Variants in KLHL18 observed in about 807,000 individuals in gnomAD.
KLHL18 encodes the protein kelch like family member 18.
In KLHL18, 38 loss-of-function variants were observed where a neutral mutation model predicts 58.5. The ratio of observed to expected loss-of-function variants is 0.65; its 90% confidence interval spans 0.50 to 0.85. KLHL18 has a LOEUF of 0.85. Among genes scored for constraint, KLHL18 ranks in the 40% least tolerant of loss-of-function variants. KLHL18 has a pLI of 0.00. For missense variants in KLHL18, 624 were observed against 778.4 expected, an observed-to-expected ratio of 0.80 and a Z score of 2.36; for synonymous variants, 303 against 301.9, an observed-to-expected ratio of 1.00 and a Z score of -0.04.
intron 3 of KLHL18, among the ~76,000 whole-genome samples, chr3:47,322,924 G>A (rs1478362800): frequency 1.3e-5 from 2 of 152,130 alleles, no homozygotes; most frequent in African/African-American, 4.8e-5. Flanking sequence ...AGTCCAGCCT[G>A]CCCTTTCCCT....
At chr3:47,324,512 A>G (rs1347201349) in intron 3 of KLHL18, among the ~76,000 whole-genome samples, 4 of 150,958 alleles carry the variant, frequency 2.6e-5, no homozygotes, top group Non-Finnish European at 4.4e-5. Flanking sequence ...TATGTTGTAA[A>G]GTACTGTTAT....
rs1703946113 is a variant in KLHL18 at position 47,334,761 on chromosome 3, A to G, written c.840A>G (p.Pro280=). Residue 280 remains proline, a synonymous_variant, in exon 6 of 10, where the codon CCA becomes CCG. Transcript: ENST00000232766. The surrounding 1 kb of genome is among the most constrained non-coding windows in gnomAD (Gnocchi z 4.7). ...RPHLPAFRTR[P]RCCTSIAGLI... ...ACCTGCCAGCTTTCAGAACCCGGCC[A>G]CGCTGCTGCACATCCATCGCTGGAC... 6.2e-7 allele frequency: 1 copy of G among 1,614,162 alleles called. No individual in the cohort carries two copies. The highest frequency in any genetic ancestry group is 8.5e-7 in the Non-Finnish European group (1 of 1,180,024).
At chr3:47,341,747 AG>A in intron 8 of KLHL18, among the ~76,000 whole-genome samples, 1 of 152,190 alleles carries the variant, frequency 6.6e-6, no homozygotes, top group Admixed American at 6.5e-5. Context: ...AGGGTGGTTG[AG>A]GACCAAGAGG....
At chr3:47,313,133 T>C (rs904696561) in intron 1 of KLHL18, among the ~76,000 whole-genome samples, 4 of 151,866 alleles carry the variant, frequency 2.6e-5, no homozygotes, top group Non-Finnish European at 5.9e-5. Context: ...ATGGTCTCGA[T>C]CTTCCGACCT....
At chr3:47,284,301 C>G (rs1286301250) in intron 1 of KLHL18, among the ~76,000 whole-genome samples, 1 of 151,122 alleles carries the variant, frequency 6.6e-6, no homozygotes, top group Non-Finnish European at 1.5e-5. Flanking sequence ...AAAAATAAAA[C>G]TATGCAGAGA....
At chr3:47,330,773 C>T (rs1166100477) in intron 4 of KLHL18, among the ~76,000 whole-genome samples, 12 of 152,054 alleles carry the variant, frequency 7.9e-5, no homozygotes, top group Admixed American at 7.9e-4. Flanking sequence ...TTCTGTCACC[C>T]AAGCTGGAGT....
chr3:47,286,285 TA>T (rs1387928466), intron 1 of KLHL18, among the ~76,000 whole-genome samples: 1 of 152,190 alleles, frequency 6.6e-6, no homozygotes, highest in Non-Finnish European at 1.5e-5. Flanking sequence ...TCTGTAGCAA[TA>T]TAATGGTGGG....
chr3:47,295,535 C>A (rs991731523), intron 1 of KLHL18, among the ~76,000 whole-genome samples: 7 of 151,070 alleles, frequency 4.6e-5, no homozygotes, highest in Non-Finnish European at 1.0e-4. Context: ...TTTCCTTTTT[C>A]TTTCTTCCCT....
chr3:47,300,694 C>T (rs1576143534), intron 1 of KLHL18, among the ~76,000 whole-genome samples: 1 of 117,126 alleles, frequency 8.5e-6, no homozygotes, highest in Admixed American at 1.3e-4. Flanking sequence ...GGCTGGGGTG[C>T]AATGGTGCGA....
At chr3:47,336,379 T>C in intron 6 of KLHL18, 156 bp from the exon 7 acceptor site, 2 of 655,118 alleles carry the variant, frequency 3.1e-6, no homozygotes, top group Non-Finnish European at 5.4e-6. Context: ...GAGGTGATCA[T>C]GGCTGAAATT....
At position 47,319,793 on chromosome 3, in the gene KLHL18, C is replaced by T; in HGVS notation, c.260+10C>T. On this transcript the variant is annotated intron_variant, in intron 2 of 9. Transcript: ENST00000232766. ...AAGGAATGGACCCAAGGTACTGAAT[C>T]CCACCATTAGGTTTCGCAGGCTGCT... is the stretch of plus-strand genomic sequence containing the variant. The T allele has an allele frequency of 6.2e-7, 1 of 1,612,590 alleles. No homozygotes were observed. Among genetic ancestry groups the T allele is most frequent in the Non-Finnish European group, 8.5e-7 (1 of 1,178,972 alleles).
At chr3:47,309,674 GCCGAGATCA>G (rs2107609838) in intron 1 of KLHL18, among the ~76,000 whole-genome samples, 1 of 152,344 alleles carries the variant, frequency 6.6e-6, no homozygotes, top group Non-Finnish European at 1.5e-5. Flanking sequence ...GTTGTAGCTA[GCCGAGATCA>G]CGCCACTGCA....
rs1431396712 is a variant in KLHL18 at position 47,334,067 on chromosome 3, T to C, written c.762-616T>C. ...GCTGGTTCAGGAGGAAGTAAGTGCC[T>C]GTCCATGGCAGATGGTGTGAAGGTG... On this transcript the variant is annotated intron_variant, in intron 5 of 9. Transcript: ENST00000232766. This position sits in a 1 kb window ranked among gnomAD's most constrained non-coding sequence, Gnocchi z 4.7. Among the ~76,000 whole-genome samples the C allele has an allele frequency of 6.6e-6, 1 of 152,206 alleles. No homozygotes were observed. The highest frequency in any genetic ancestry group is 1.5e-5 in the Non-Finnish European group (1 of 68,034).
intron 1 of KLHL18, among the ~76,000 whole-genome samples, chr3:47,294,958 C>G (rs1702866743): frequency 6.6e-6 from 1 of 151,566 alleles, no homozygotes; most frequent in Admixed American, 6.6e-5. Context: ...AGGTTAGAAA[C>G]TTGTCAGCGG....
chr3:47,328,318 A>G (rs1402080305), intron 3 of KLHL18, among the ~76,000 whole-genome samples: 2 of 151,712 alleles, frequency 1.3e-5, no homozygotes, highest in Admixed American at 6.6e-5. Context: ...ATGAGCCATA[A>G]TTGCACCACT....
In KLHL18 at chr3:47,345,753, C is replaced by T. The variant is rs1704213692; in HGVS notation, c.*1812C>T. ...GCCTGGGGTGGCCTGGAAGCCTGTT[C>T]AGAAAGGCACAATGTGGAGCCTGGG... On this transcript the variant is annotated 3_prime_UTR_variant, in exon 10 of 10. Coordinates refer to ENST00000232766, the MANE Select transcript of KLHL18 (RefSeq NM_025010.5). 1 of 152,616 alleles carries T rather than the reference C, an allele frequency of 6.6e-6. No individual in the cohort carries two copies. The highest frequency in any genetic ancestry group is 1.5e-5 in the Non-Finnish European group (1 of 68,062). 9.5% of individuals were successfully genotyped at this position (152,616 alleles called of 1,614,324 possible).
chr3:47,327,549 T>G (rs1703754688), intron 3 of KLHL18, among the ~76,000 whole-genome samples: 1 of 152,268 alleles, frequency 6.6e-6, no homozygotes, highest in South Asian at 2.1e-4. Flanking sequence ...TTAACAAGTC[T>G]CATTCAATCA....
At chr3:47,300,836 G>T (rs1254782528) in intron 1 of KLHL18, among the ~76,000 whole-genome samples, 2 of 151,434 alleles carry the variant, frequency 1.3e-5, no homozygotes, top group African/African-American at 4.9e-5. Flanking sequence ...ACAGGGTTTC[G>T]CCATGTTGGT....
At chr3:47,337,050 A>C in intron 7 of KLHL18, 1 of 322,362 alleles carries the variant, frequency 3.1e-6, no homozygotes, top group Non-Finnish European at 5.8e-6. Flanking sequence ...GGAAGATTCG[A>C]AGAGGGAGAG....
Sources: allele counts gnomAD v4.1 joint callset (sites outside exome capture counted in the v4.1 genomes callset), GRCh38; gene constraint gnomAD v4.1.1; non-coding constraint Gnocchi (gnomAD v3.1); transcripts MANE v1.5; gene names NCBI Gene and HGNC (gene_info 2026-07-23, HGNC 2026-07-21).